Variants in SUPT3H observed in about 807,000 individuals in gnomAD.
The protein encoded by SUPT3H is transcription initiation protein SPT3 homolog.
In SUPT3H, 44 loss-of-function variants were observed where a neutral mutation model predicts 44.3. That is an observed-to-expected ratio of 0.99 (90% CI 0.78 to 1.28). The LOEUF is 1.28. Ranked by LOEUF, SUPT3H falls within the 50% of genes most tolerant of loss-of-function variation. The probability of loss-of-function intolerance (pLI) is 0.00; values close to 1 mark genes in which losing one functional copy is unlikely to be tolerated. For synonymous variants in SUPT3H, 124 were observed against 125.6 expected, an observed-to-expected ratio of 0.99 and a Z score of 0.09; for missense variants, 380 against 387.1, an observed-to-expected ratio of 0.98 and a Z score of 0.15.
At chr6:44,931,833 G>T (rs1287793699) in intron 10 of SUPT3H, among the ~76,000 whole-genome samples, 1 of 151,650 alleles carries the variant, frequency 6.6e-6, no homozygotes, top group African/African-American at 2.4e-5. Context: ...ATCCACTCAG[G>T]TAAAAATGTA....
chr6:44,901,714 A>G (rs1765094583), intron 10 of SUPT3H, among the ~76,000 whole-genome samples: 1 of 151,590 alleles, frequency 6.6e-6, no homozygotes, highest in Non-Finnish European at 1.5e-5. Context: ...TCCAAGACAC[A>G]TAATTGTCAG....
intron 11 of SUPT3H, among the ~76,000 whole-genome samples, chr6:44,818,802 A>G (rs1561833171): frequency 6.6e-6 from 1 of 152,224 alleles, no homozygotes; most frequent in Non-Finnish European, 1.5e-5. Context: ...AATAAGCAAT[A>G]CACCAAATGC....
intron 2 of SUPT3H, among the ~76,000 whole-genome samples, chr6:45,256,590 T>A (rs550012213): frequency 6.8e-6 from 1 of 146,686 alleles, no homozygotes; most frequent in African/African-American, 2.5e-5. Context: ...CCACCCTCCC[T>A]CCACTAGTCT....
chr6:45,242,365 G>GAATTTA (rs1770523056), intron 2 of SUPT3H, among the ~76,000 whole-genome samples: 1 of 152,158 alleles, frequency 6.6e-6, no homozygotes, highest in Non-Finnish European at 1.5e-5. Flanking sequence ...CACCAAGAAA[G>GAATTTA]AACTTTAGAA....
chr6:44,856,596 TTATCC>T (rs1773773903), intron 10 of SUPT3H, among the ~76,000 whole-genome samples: 1 of 152,300 alleles, frequency 6.6e-6, no homozygotes, highest in African/African-American at 2.4e-5. Flanking sequence ...ATTTGCCCTC[TTATCC>T]TATATCATTT....
intron 1 of SUPT3H, among the ~76,000 whole-genome samples, chr6:45,374,759 C>G (rs904617444): frequency 3.9e-5 from 6 of 152,098 alleles, no homozygotes; most frequent in Non-Finnish European, 8.8e-5. Flanking sequence ...GATTTTCTTC[C>G]AGAGGGAACC....
At chr6:45,144,886 C>T (rs890336494) in intron 2 of SUPT3H, among the ~76,000 whole-genome samples, 3 of 152,040 alleles carry the variant, frequency 2.0e-5, no homozygotes, top group Admixed American at 6.6e-5. Flanking sequence ...AACGACGAAG[C>T]TGAGAATCAA....
intron 11 of SUPT3H, among the ~76,000 whole-genome samples, chr6:44,819,901 A>T (rs886560863): frequency 1.6e-4 from 24 of 152,236 alleles, no homozygotes. Context: ...TGTGGTAAAA[A>T]GAAAATTTGA....
chr6:44,967,411 T>C (rs1313010196), intron 6 of SUPT3H, among the ~76,000 whole-genome samples: 2 of 152,264 alleles, frequency 1.3e-5, no homozygotes, highest in Non-Finnish European at 2.9e-5. Context: ...CCTAGTATAA[T>C]TTGTTTGTTC....
In SUPT3H at chr6:44,928,882, C is replaced by CAAAATAAAAA. The variant is rs1491206167; in HGVS notation, c.912+3770_912+3771insTTTTTATTTT. Among the ~76,000 whole-genome samples, 33 of 20,646 alleles carry CAAAATAAAAA rather than the reference C, an allele frequency of 1.6e-3. 1 individual carries two copies. The highest frequency in any genetic ancestry group is 3.1e-3 in the African/African-American group (10 of 3,180). The allele number at this position is 20,646 out of a possible 152,430, so 13.5% of individuals were successfully genotyped here. On this transcript the variant is annotated intron_variant, in intron 10 of 10. Coordinates refer to ENST00000371459, the MANE Select transcript of SUPT3H (RefSeq NM_003599.4). ...TGGGCGACAGAACGAGACTCCGTCTCAAAAAAAAAAAAAAAAAAAAAAGAA... is the reference window on the plus strand; with the variant it reads ...TGGGCGACAGAACGAGACTCCGTCTCAAAATAAAAAAAAAAAAAAAAAAAAAAAAAAAGAA...
intron 3 of SUPT3H, among the ~76,000 whole-genome samples, chr6:45,061,983 AAAAC>A (rs1792165210): frequency 6.6e-6 from 1 of 151,404 alleles, no homozygotes; most frequent in Non-Finnish European, 1.5e-5. Context: ...CTTACACACT[AAAAC>A]ACACACTATT....
At chr6:44,988,901 T>G (rs1245072941) in intron 6 of SUPT3H, among the ~76,000 whole-genome samples, 2 of 152,100 alleles carry the variant, frequency 1.3e-5, no homozygotes, top group Non-Finnish European at 2.9e-5. Context: ...GTGGCTTCTT[T>G]TCTTCCTGGT....
At chr6:44,881,802 A>C (rs1408951095) in intron 10 of SUPT3H, among the ~76,000 whole-genome samples, 1 of 152,218 alleles carries the variant, frequency 6.6e-6, no homozygotes, top group Non-Finnish European at 1.5e-5. Context: ...AAATAATAAA[A>C]TTAAGGCAGA....
At chr6:44,970,169 G>A (rs577651745) in intron 6 of SUPT3H, among the ~76,000 whole-genome samples, 1 of 151,858 alleles carries the variant, frequency 6.6e-6, no homozygotes, top group South Asian at 2.1e-4. Flanking sequence ...GGCATTAATT[G>A]GTTATATAAT....
intron 3 of SUPT3H, among the ~76,000 whole-genome samples, chr6:45,040,249 G>A (rs760540056): frequency 6.6e-5 from 10 of 152,152 alleles, no homozygotes; most frequent in Non-Finnish European, 1.0e-4. Flanking sequence ...AAAGGATGCC[G>A]TATTTGGCCC....
At chr6:44,955,971 AATT>A (rs1775084053) in intron 7 of SUPT3H, among the ~76,000 whole-genome samples, 1 of 149,120 alleles carries the variant, frequency 6.7e-6, no homozygotes, top group Admixed American at 6.7e-5. Context: ...ATACAAAAAA[AATT>A]AGCCAGGCAT....
chr6:45,342,328 C>G (rs1285177826), intron 2 of SUPT3H, among the ~76,000 whole-genome samples: 1 of 152,064 alleles, frequency 6.6e-6, no homozygotes, highest in Non-Finnish European at 1.5e-5. Context: ...GTGGCACAAT[C>G]TCAGCTCACT....
chr6:45,179,001 A>G (rs963993668), intron 2 of SUPT3H, among the ~76,000 whole-genome samples: 4 of 152,178 alleles, frequency 2.6e-5, no homozygotes, highest in African/African-American at 9.7e-5. Flanking sequence ...TCACAATTAA[A>G]AGAGAGAAGA....
intron 2 of SUPT3H, among the ~76,000 whole-genome samples, chr6:45,126,970 C>T (rs1025505476): frequency 6.6e-6 from 1 of 152,066 alleles, no homozygotes; most frequent in Non-Finnish European, 1.5e-5. Context: ...CCACTGTGTA[C>T]CTGACTTGAA....
Sources: allele counts gnomAD v4.1 joint callset (sites outside exome capture counted in the v4.1 genomes callset), GRCh38; gene constraint gnomAD v4.1.1; transcripts MANE v1.5; gene names NCBI Gene and HGNC (gene_info 2026-07-23, HGNC 2026-07-21).